The following GLCCI1 variants were observed in gnomAD, a reference collection of about 807,000 sequenced individuals.
GLCCI1 encodes glucocorticoid-induced transcript 1 protein.
GLCCI1 carries 24 observed loss-of-function variants against 52.2 expected under a neutral mutation model. The observed-to-expected ratio is 0.46, with a 90% confidence interval of 0.33 to 0.65. GLCCI1 has a LOEUF of 0.65. Ranked by LOEUF, GLCCI1 falls within the 30% of genes least tolerant of loss-of-function variation. GLCCI1 has a pLI of 0.02. For missense variants in GLCCI1, 704 were observed against 701.5 expected, an observed-to-expected ratio of 1.00 and a Z score of -0.04; for synonymous variants, 310 against 276.5, an observed-to-expected ratio of 1.12 and a Z score of -1.20.
chr7:8,008,981 G>C (rs915161820), intron 2 of GLCCI1, among the ~76,000 whole-genome samples: 2 of 151,534 alleles, frequency 1.3e-5, no homozygotes, highest in African/African-American at 4.9e-5. Context: ...TAACTGCTTT[G>C]TGACCCAGTC....
chr7:8,013,947 C>A (rs1473667099), intron 2 of GLCCI1, among the ~76,000 whole-genome samples: 4 of 151,532 alleles, frequency 2.6e-5, no homozygotes, highest in Non-Finnish European at 4.4e-5. Flanking sequence ...TGTTGCCACT[C>A]CGAGAACCAT....
chr7:8,058,598 T>G (rs1204847319), intron 4 of GLCCI1, among the ~76,000 whole-genome samples: 1 of 152,096 alleles, frequency 6.6e-6, no homozygotes, highest in Non-Finnish European at 1.5e-5. Flanking sequence ...GATTACTGTG[T>G]GGGGGAAATA....
chr7:8,077,520 C>G lies in GLCCI1; in HGVS notation c.1177+6389C>G, dbSNP rs143578363. Among the ~76,000 whole-genome samples the G allele has an allele frequency of 4.4e-3, 673 of 152,322 alleles. 14 individuals are homozygous for G. In the East Asian group the frequency reaches 0.074, roughly 17 times the overall value. Reference sequence around the variant, plus strand: ...CTGGGGCAGCCAGGTTGAAGCCCTGCTCTGCCACTTAATTATGTGCCCTTG... The same window carrying G: ...CTGGGGCAGCCAGGTTGAAGCCCTGGTCTGCCACTTAATTATGTGCCCTTG... On this transcript the variant is annotated intron_variant, in intron 6 of 7. Transcript: ENST00000223145.
intron 3 of GLCCI1, among the ~76,000 whole-genome samples, chr7:8,039,185 T>C (rs1401213367): frequency 1.3e-5 from 2 of 152,068 alleles, no homozygotes; most frequent in Non-Finnish European, 2.9e-5. Flanking sequence ...TATGCAAAAA[T>C]ATGGAGATTT....
At chr7:7,979,912 C>A (rs1195820064) in intron 1 of GLCCI1, among the ~76,000 whole-genome samples, 1 of 152,084 alleles carries the variant, frequency 6.6e-6, no homozygotes, top group Admixed American at 6.5e-5. Flanking sequence ...TCTTTCTCTT[C>A]TTTTATTTTT....
intron 3 of GLCCI1, among the ~76,000 whole-genome samples, chr7:8,027,745 A>T (rs920196049): frequency 1.3e-5 from 2 of 152,182 alleles, no homozygotes; most frequent in African/African-American, 4.8e-5. Context: ...ACCTATAAAG[A>T]TAAACATAGA....
chr7:7,986,382 G>T (rs369786239), intron 1 of GLCCI1, among the ~76,000 whole-genome samples: 1 of 16,884 alleles, frequency 5.9e-5, no homozygotes, highest in South Asian at 1.1e-3. Context: ...AGCAGGGGGA[G>T]GGGGGGGTGG....
chr7:7,969,226 G>C lies in GLCCI1; in HGVS notation c.-125G>C. 13 of 429,904 alleles carry C rather than the reference G, an allele frequency of 3.0e-5. No individual in the cohort carries two copies. Among genetic ancestry groups the C allele is most frequent in the East Asian group, 1.1e-4 (1 of 8,808 alleles). The allele number at this position is 429,904 out of a possible 1,614,324, so 26.6% of individuals were successfully genotyped here. A position where few individuals can be genotyped will look rare whatever the true frequency, so the allele number is the denominator to read the frequency against. On this transcript the variant is annotated 5_prime_UTR_variant, in exon 1 of 8. Coordinates refer to ENST00000223145, the MANE Select transcript of GLCCI1 (RefSeq NM_138426.4). This position sits in a 1 kb window ranked among gnomAD's most constrained non-coding sequence, Gnocchi z 4.9. The stretch of plus-strand genomic sequence containing the variant: ...GGAGCCCCGAGACTCCTCCCCCACA[G>C]CGATACCCCCGCCCCTCCCCCTTAC...
chr7:8,065,662 T>C (rs1411707009), intron 5 of GLCCI1, among the ~76,000 whole-genome samples: 1 of 152,208 alleles, frequency 6.6e-6, no homozygotes. Flanking sequence ...AAGATAATTA[T>C]GTGGTTTCCG....
At chr7:8,031,797 T>C (rs879680813) in intron 3 of GLCCI1, among the ~76,000 whole-genome samples, 8 of 151,968 alleles carry the variant, frequency 5.3e-5, no homozygotes, top group African/African-American at 9.7e-5. Context: ...GGAATAGATA[T>C]GTTAATATCA....
intron 4 of GLCCI1, 142 bp from the exon 5 acceptor site, chr7:8,059,954 A>C: frequency 9.3e-5 from 57 of 610,002 alleles, no homozygotes; most frequent in Non-Finnish European, 1.1e-4. Flanking sequence ...AAATTTCTAT[A>C]TGTGCACCTG....
chr7:8,069,722 G>T (rs1390822363), intron 5 of GLCCI1, among the ~76,000 whole-genome samples: 2 of 152,198 alleles, frequency 1.3e-5, no homozygotes, highest in African/African-American at 4.8e-5. Flanking sequence ...CATAGTTTCA[G>T]ATTTCGGCCT....
chr7:7,973,866 C>G (rs1449524852), intron 1 of GLCCI1, among the ~76,000 whole-genome samples: 1 of 151,892 alleles, frequency 6.6e-6, no homozygotes, highest in Admixed American at 6.6e-5. Flanking sequence ...CTTTTTAAGT[C>G]ATTTTTATAC....
intron 5 of GLCCI1, among the ~76,000 whole-genome samples, chr7:8,068,213 C>A (rs1013380008): frequency 6.6e-6 from 1 of 152,180 alleles, no homozygotes; most frequent in Non-Finnish European, 1.5e-5. Flanking sequence ...AGCCGGTCAT[C>A]GTGGTGGGCA....
rs377450365 is a variant in GLCCI1 at position 8,070,964 on chromosome 7, A to G, written c.1010A>G (p.His337Arg). 1.8e-5 allele frequency: 29 copies of G among 1,614,000 alleles called. No individual in the cohort carries two copies. The highest frequency in any genetic ancestry group is 1.7e-5 in the Non-Finnish European group (20 of 1,180,010). Residue 337 changes from histidine to arginine, a missense_variant, in exon 6 of 8, where the codon CAT becomes CGT. Transcript: ENST00000223145. ...GGTCGAAGAGCTCCACTTCCTGCTC[A>G]TTACCGGAGCAGTAGTACTCGCAGC... ...PDGRRAPLPA[H>R]YRSSSTRSID...
chr7:8,004,571 C>G (rs1781109670), intron 2 of GLCCI1, among the ~76,000 whole-genome samples: 1 of 152,070 alleles, frequency 6.6e-6, no homozygotes, highest in South Asian at 2.1e-4. Flanking sequence ...AGCTTTTCCT[C>G]CACATCAGAA....
intron 3 of GLCCI1, among the ~76,000 whole-genome samples, chr7:8,025,673 A>C (rs1781603351): frequency 1.3e-5 from 2 of 152,206 alleles, no homozygotes; most frequent in African/African-American, 2.4e-5. Flanking sequence ...AAGCTTAACT[A>C]ACCACAACTA....
intron 6 of GLCCI1, among the ~76,000 whole-genome samples, chr7:8,075,929 T>C (rs575046821): frequency 4.6e-5 from 7 of 152,230 alleles, no homozygotes; most frequent in Non-Finnish European, 1.0e-4. Flanking sequence ...ATATTCGTAT[T>C]GCTAAACTTT....
At chr7:7,975,686 T>C (rs1445031619) in intron 1 of GLCCI1, among the ~76,000 whole-genome samples, 1 of 152,224 alleles carries the variant, frequency 6.6e-6, no homozygotes, top group Non-Finnish European at 1.5e-5. Flanking sequence ...GAGACCTAGT[T>C]TGTTGAATGT....
Sources: allele counts gnomAD v4.1 joint callset (sites outside exome capture counted in the v4.1 genomes callset), GRCh38; gene constraint gnomAD v4.1.1; non-coding constraint Gnocchi (gnomAD v3.1); transcripts MANE v1.5; gene names NCBI Gene and HGNC (gene_info 2026-07-23, HGNC 2026-07-21).